RALYL: variants seen among roughly 807,000 people sequenced by gnomAD.
RALYL encodes the protein RNA-binding Raly-like protein.
In RALYL, 29 loss-of-function variants were observed where a neutral mutation model predicts 35.1. That is an observed-to-expected ratio of 0.83 (90% CI 0.61 to 1.13). The LOEUF is 1.13. RALYL is among the 50% of genes most tolerant of loss of function. The pLI is 0.00. For missense variants in RALYL, 359 were observed against 360.4 expected (o/e 1.00, Z 0.03); for synonymous variants, 120 against 127.6 (o/e 0.94, Z 0.40).
At chr8:84,257,916 G>A (rs893275636) in intron 1 of RALYL, among the ~76,000 whole-genome samples, 5 of 152,086 alleles carry the variant, frequency 3.3e-5, no homozygotes, top group Non-Finnish European at 7.4e-5. Context: ...AGACTATTTG[G>A]ATAAAACTGC....
intron 8 of RALYL, among the ~76,000 whole-genome samples, chr8:84,908,540 T>C (rs1281909024): frequency 6.6e-6 from 1 of 152,184 alleles, no homozygotes; most frequent in Non-Finnish European, 1.5e-5. Context: ...TTCCTTCTTT[T>C]CTTAAGGCTG....
At chr8:84,899,161 A>G (rs574055494) in intron 8 of RALYL, among the ~76,000 whole-genome samples, 3 of 152,256 alleles carry the variant, frequency 2.0e-5, no homozygotes, top group East Asian at 1.9e-4. Context: ...CTGTCTGGCA[A>G]AAACATCTCC....
intron 1 of RALYL, among the ~76,000 whole-genome samples, chr8:84,391,896 G>T (rs1231871620): frequency 1.3e-5 from 2 of 151,924 alleles, no homozygotes. Flanking sequence ...TACTGTGAAG[G>T]TCTCACTTTT....
At chr8:84,469,936 G>A (rs2052455953) in intron 1 of RALYL, among the ~76,000 whole-genome samples, 2 of 152,210 alleles carry the variant, frequency 1.3e-5, no homozygotes, top group Non-Finnish European at 2.9e-5. Context: ...CTTTGACTCA[G>A]ACAGGGAACT....
chr8:84,394,760 T>G (rs941448588), intron 1 of RALYL, among the ~76,000 whole-genome samples: 2 of 151,960 alleles, frequency 1.3e-5, no homozygotes, highest in Non-Finnish European at 2.9e-5. Context: ...TCTTTGATAG[T>G]TCACCATTAT....
At chr8:84,384,604 G>A (rs145667580) in intron 1 of RALYL, among the ~76,000 whole-genome samples, 2,595 of 151,552 alleles carry the variant, frequency 0.017, 72 homozygotes, top group African/African-American at 0.059. Context: ...TATTACATGG[G>A]TGCAATGAAA....
chr8:84,307,921 A>C (rs1295786769), intron 1 of RALYL, among the ~76,000 whole-genome samples: 3 of 152,202 alleles, frequency 2.0e-5, no homozygotes, highest in African/African-American at 7.2e-5. Context: ...AATTTCAGGA[A>C]GTAGCTGGAA....
At chr8:84,482,559 A>G (rs1025338871) in intron 1 of RALYL, among the ~76,000 whole-genome samples, 1 of 152,104 alleles carries the variant, frequency 6.6e-6, no homozygotes, top group Non-Finnish European at 1.5e-5. Context: ...AACTGGCCAC[A>G]CTTAAGCCAC....
intron 2 of RALYL, among the ~76,000 whole-genome samples, chr8:84,599,212 T>C (rs959300419): frequency 6.6e-6 from 1 of 152,102 alleles, no homozygotes; most frequent in Non-Finnish European, 1.5e-5. Flanking sequence ...CATGTATCAC[T>C]GACCACTAAA....
At chr8:84,305,531 A>G (rs73296729) in intron 1 of RALYL, among the ~76,000 whole-genome samples, 3,096 of 152,338 alleles carry the variant, frequency 0.02, 117 homozygotes, top group African/African-American at 0.07. Context: ...ATTGCAAATG[A>G]AACAAATGAA....
In RALYL at chr8:84,844,317, C is replaced by A. The variant is rs576896042; in HGVS notation, c.366-5663C>A. On this transcript the variant is annotated intron_variant, in intron 4 of 8. Transcript: ENST00000521268. ...TCAAAAAGTGGGCAAAGGACCTGAACAGACACTTCTCAAAAGAAGACATTT... is the reference window on the plus strand; with the variant it reads ...TCAAAAAGTGGGCAAAGGACCTGAAAAGACACTTCTCAAAAGAAGACATTT... Among the ~76,000 whole-genome samples, 14 of 152,188 alleles carry A rather than the reference C, an allele frequency of 9.2e-5. No homozygotes were observed. In the South Asian group the frequency reaches 2.9e-3, roughly 32 times the overall value.
chr8:84,445,334 ATTTT>A (rs2048739696), intron 1 of RALYL, among the ~76,000 whole-genome samples: 1 of 152,002 alleles, frequency 6.6e-6, no homozygotes, highest in South Asian at 2.1e-4. Context: ...TATAATCAGT[ATTTT>A]TTCTTTTGTT....
chr8:84,379,082 C>T (rs184262895), intron 1 of RALYL, among the ~76,000 whole-genome samples: 1 of 151,984 alleles, frequency 6.6e-6, no homozygotes, highest in East Asian at 2.0e-4. Context: ...CCAACTACTT[C>T]CTTATTTAGA....
intron 2 of RALYL, among the ~76,000 whole-genome samples, chr8:84,638,475 G>A (rs1447419628): frequency 6.6e-6 from 1 of 151,532 alleles, no homozygotes; most frequent in Non-Finnish European, 1.5e-5. Flanking sequence ...AGAACCAAAT[G>A]AAATTGAAAC....
chr8:84,534,324 C>A (rs1286787047), intron 2 of RALYL, among the ~76,000 whole-genome samples: 3 of 152,230 alleles, frequency 2.0e-5, no homozygotes, highest in Non-Finnish European at 4.4e-5. Flanking sequence ...AATCATTCTT[C>A]AGATCTCAAA....
chr8:84,866,324 C>A (rs1335196601), intron 6 of RALYL, among the ~76,000 whole-genome samples: 1 of 152,000 alleles, frequency 6.6e-6, no homozygotes, highest in Non-Finnish European at 1.5e-5. Context: ...TCCTTTAACC[C>A]CTATATACCT....
chr8:84,625,656 G>T (rs975014366), intron 2 of RALYL, among the ~76,000 whole-genome samples: 25 of 152,174 alleles, frequency 1.6e-4, no homozygotes, highest in African/African-American at 6.0e-4. Flanking sequence ...GAGGCACAAA[G>T]AGGTTAAGCA....
chr8:84,559,172 G>T (rs1477543236), intron 2 of RALYL, among the ~76,000 whole-genome samples: 1 of 151,728 alleles, frequency 6.6e-6, no homozygotes, highest in Non-Finnish European at 1.5e-5. Flanking sequence ...AGAAAAAGAT[G>T]ATAAAATAAT....
chr8:84,412,754 C>G lies in RALYL; in HGVS notation c.-23-116545C>G, dbSNP rs576373438. On this transcript the variant is annotated intron_variant, in intron 1 of 8. Coordinates refer to ENST00000521268, the MANE Select transcript of RALYL (RefSeq NM_173848.7). ...TAGAGAGGAAATAGATTTAGATATG[C>G]AGAAAGAGCTTTGTCATTAAGGACC... 3.5e-4 allele frequency among the ~76,000 whole-genome samples: 53 copies of G among 152,036 alleles called. 1 individual carries two copies. The Middle Eastern group carries it at 0.01, about 29-fold the overall frequency.
Sources: allele counts gnomAD v4.1 joint callset (sites outside exome capture counted in the v4.1 genomes callset), GRCh38; gene constraint gnomAD v4.1.1; transcripts MANE v1.5; gene names NCBI Gene and HGNC (gene_info 2026-07-23, HGNC 2026-07-21).